PKD1L1: variants seen among roughly 807,000 people sequenced by gnomAD.
The protein encoded by PKD1L1 is polycystin-1-like protein 1.
In PKD1L1, 236 loss-of-function variants were observed where a neutral mutation model predicts 323.4. That is an observed-to-expected ratio of 0.73 (90% CI 0.66 to 0.81). The LOEUF (loss-of-function observed/expected upper bound fraction) is 0.81, where lower values mean the gene tolerates loss of function less well. Among genes scored for constraint, PKD1L1 ranks in the 40% least tolerant of loss-of-function variants. The pLI is 0.00. For missense variants in PKD1L1, 3,320 were observed against 3,508.0 expected (o/e 0.95, Z 1.35); for synonymous variants, 1,344 against 1,335.0 (o/e 1.01, Z -0.15).
chr7:47,779,870 A>C (rs1263744651), intron 56 of PKD1L1, among the ~76,000 whole-genome samples: 2 of 152,174 alleles, frequency 1.3e-5, no homozygotes, highest in African/African-American at 2.4e-5. Context: ...TGGGTGGGAG[A>C]AAGGAGGTGC....
chr7:47,829,831 T>C (rs2128734951), intron 43 of PKD1L1, among the ~76,000 whole-genome samples: 5 of 152,270 alleles, frequency 3.3e-5, no homozygotes, highest in Admixed American at 3.3e-4. Flanking sequence ...TGGGTTAAAG[T>C]GGTACCCTCC....
chr7:47,880,632 T>A, intron 21 of PKD1L1, 96 bp downstream of exon 21: 2 of 917,424 alleles, frequency 2.2e-6, no homozygotes, highest in Middle Eastern at 4.8e-4. Flanking sequence ...TTTACGCTGA[T>A]GTAGACCTGC....
chr7:47,792,238 C>T (rs1786966470), intron 56 of PKD1L1, among the ~76,000 whole-genome samples: 1 of 152,094 alleles, frequency 6.6e-6, no homozygotes, highest in Non-Finnish European at 1.5e-5. Context: ...ATCCTTTCTC[C>T]TTTTGGTCTA....
rs1787550769 is a variant in PKD1L1, at chr7:47,921,909, T to TTCCCCC, written c.1061-6316_1061-6311dup. ...CTCTCCCCTCCCCCTCCCCTTCCCT[T>TTCCCCC]TCCCCCTCTCCCTCTCCCTCTCTCC... is the stretch of plus-strand genomic sequence containing the variant. On this transcript the variant is annotated intron_variant, in intron 7 of 56. Coordinates refer to ENST00000289672, the MANE Select transcript of PKD1L1 (RefSeq NM_138295.5). Among the ~76,000 whole-genome samples, 3 of 143,016 alleles carry TTCCCCC rather than the reference T, an allele frequency of 2.1e-5. No homozygotes were observed. In the South Asian group the frequency reaches 7.7e-4, roughly 37 times the overall value. 93.8% of individuals were successfully genotyped at this position (143,016 alleles called of 152,430 possible).
At chr7:47,907,833 A>C (rs761724596) in intron 9 of PKD1L1, among the ~76,000 whole-genome samples, 1 of 152,196 alleles carries the variant, frequency 6.6e-6, no homozygotes, top group South Asian at 2.1e-4. Context: ...GCTCCTATGC[A>C]TATCTTAATA....
rs116346522 is a variant in PKD1L1 at position 47,911,287 on chromosome 7, C to T, written c.1229-3037G>A. On this transcript the variant is annotated intron_variant, in intron 8 of 56. Coordinates refer to ENST00000289672, the MANE Select transcript of PKD1L1 (RefSeq NM_138295.5). Reference sequence around the variant, plus strand: ...TGCCTGCTGCCCTGTAGCCTTCTACCATGATTGTAAACTTCCTGAAGCCTC... The same window carrying T: ...TGCCTGCTGCCCTGTAGCCTTCTACTATGATTGTAAACTTCCTGAAGCCTC... Among the ~76,000 whole-genome samples, 218 of 152,240 alleles carry T rather than the reference C, an allele frequency of 1.4e-3. 3 individuals are homozygous for T. The highest frequency in any genetic ancestry group is 4.9e-3 in the African/African-American group (204 of 41,548).
chr7:47,930,459 C>A (rs751127306), intron 6 of PKD1L1, among the ~76,000 whole-genome samples: 1 of 151,612 alleles, frequency 6.6e-6, no homozygotes, highest in Admixed American at 6.6e-5. Flanking sequence ...GACCCAAGAT[C>A]GCGCCACTGC....
intron 7 of PKD1L1, among the ~76,000 whole-genome samples, chr7:47,921,797 C>T (rs545907265): frequency 2.9e-4 from 44 of 152,234 alleles, no homozygotes; most frequent in South Asian, 1.7e-3. Context: ...GAATGGAAAA[C>T]CAAACATCGT....
chr7:47,890,420 G>A (rs180908269), intron 16 of PKD1L1, 122 bp downstream of exon 16: 8 of 957,154 alleles, frequency 8.4e-6, no homozygotes, highest in Non-Finnish European at 1.3e-5. Context: ...TTTGCAGTGA[G>A]AATCCTGCAT....
At chr7:47,870,920 C>T (rs2128744699) in intron 24 of PKD1L1, among the ~76,000 whole-genome samples, 1 of 146,818 alleles carries the variant, frequency 6.8e-6, no homozygotes, top group South Asian at 2.2e-4. Flanking sequence ...CTGCAGTGAG[C>T]CATGATCATG....
At chr7:47,824,037 A>G (rs911078465) in intron 45 of PKD1L1, among the ~76,000 whole-genome samples, 5 of 152,232 alleles carry the variant, frequency 3.3e-5, no homozygotes, top group Non-Finnish European at 7.3e-5. Context: ...TGGTCCTCTG[A>G]CAATGACTCT....
chr7:47,815,593 G>A lies in PKD1L1; in HGVS notation c.6966-136C>T, dbSNP rs2128730783. 1.4e-5 allele frequency: 14 copies of A among 1,019,430 alleles called. 1 individual carries two copies. In the South Asian group the frequency reaches 2.3e-4, roughly 17 times the overall value. The allele number at this position is 1,019,430 out of a possible 1,614,324, so 63.1% of individuals were successfully genotyped here. On this transcript the variant is annotated intron_variant, in intron 46 of 56. Coordinates refer to ENST00000289672, the MANE Select transcript of PKD1L1 (RefSeq NM_138295.5). ...ACTCTGCAGGAATTAAACTCAAGCTGCTTGCAGCGTGAAGCATGAAACCCT... is the reference window on the plus strand; with the variant it reads ...ACTCTGCAGGAATTAAACTCAAGCTACTTGCAGCGTGAAGCATGAAACCCT...
At position 47,815,461 on chromosome 7, in the gene PKD1L1, A is replaced by C. The variant is rs761259433; in HGVS notation, c.6966-4T>G. ...ACCCAAGCAGTTTCTGGCATTTCTT[A>C]ATGCAAGAACAAAAATAAAAAGTTG... On this transcript the variant is annotated splice_region_variant and splice_polypyrimidine_tract_variant and intron_variant, in intron 46 of 56. Transcript: ENST00000289672. 7 of 1,611,686 alleles carry C rather than the reference A, an allele frequency of 4.3e-6. No homozygotes were observed. The Admixed American group carries it at 1.2e-4, about 27-fold the overall frequency.
chr7:47,842,887 A>G (rs1039042003), intron 34 of PKD1L1, 75 bp downstream of exon 34: 38 of 1,407,966 alleles, frequency 2.7e-5, no homozygotes, highest in East Asian at 4.6e-5. Context: ...GGGGCAGCCA[A>G]ATCACCAAAT....
intron 1 of PKD1L1, among the ~76,000 whole-genome samples, chr7:47,947,236 A>G (rs998289008): frequency 1.3e-5 from 2 of 152,190 alleles, no homozygotes; most frequent in Non-Finnish European, 2.9e-5. Flanking sequence ...TCTTTGATAA[A>G]ATGATGGTGA....
At chr7:47,909,809 T>G (rs202162716) in intron 8 of PKD1L1, among the ~76,000 whole-genome samples, 6 of 152,210 alleles carry the variant, frequency 3.9e-5, no homozygotes, top group South Asian at 4.1e-4. Flanking sequence ...AGCAGCATAA[T>G]AAGAAGAAAA....
chr7:47,881,549 G>A lies in PKD1L1; in HGVS notation c.3442+360C>T, dbSNP rs564045086. On this transcript the variant is annotated intron_variant, in intron 20 of 56. Coordinates refer to ENST00000289672, the MANE Select transcript of PKD1L1 (RefSeq NM_138295.5). ...GGGAAATTCCATTAGAAATTCAATC[G>A]CTCTTCAGGAGCAGCTTCATTTTGA... Among the ~76,000 whole-genome samples the A allele has an allele frequency of 3.9e-5, 6 of 152,202 alleles. No individual in the cohort carries two copies. The South Asian group carries it at 1.0e-3, about 26-fold the overall frequency.
intron 4 of PKD1L1, among the ~76,000 whole-genome samples, chr7:47,932,500 AG>A (rs1333932792): frequency 6.6e-6 from 1 of 152,186 alleles, no homozygotes; most frequent in Non-Finnish European, 1.5e-5. Context: ...CCTGGCAGGG[AG>A]GCAGGGCTTG....
chr7:47,812,124 G>A (rs1784912897), intron 49 of PKD1L1, 73 bp from the exon 50 acceptor site: 3 of 1,261,164 alleles, frequency 2.4e-6, no homozygotes, highest in African/African-American at 1.5e-5. Flanking sequence ...GCTCCCAGCT[G>A]CAGGTCCCAT....
Sources: gnomAD v4.1 joint callset for allele counts (sites outside exome capture counted in the v4.1 genomes callset) on GRCh38, gnomAD v4.1.1 for gene constraint, MANE v1.5 for transcripts, NCBI Gene and HGNC (gene_info 2026-07-23, HGNC 2026-07-21) for gene names.